Variants in COBL observed in about 807,000 individuals in gnomAD.
The protein encoded by COBL is protein cordon-bleu.
COBL carries 51 observed loss-of-function variants against 98.8 expected under a neutral mutation model. The ratio of observed to expected loss-of-function variants is 0.52; its 90% CI spans 0.41 to 0.65. COBL has a LOEUF of 0.65. COBL is among the 30% of genes least tolerant of loss of function. COBL has a pLI of 0.00. For missense variants in COBL, 1,617 were observed against 1,617.5 expected, an observed-to-expected ratio of 1.00 and a Z score of 0.01; for synonymous variants, 634 against 651.7, an observed-to-expected ratio of 0.97 and a Z score of 0.41.
At position 51,137,778 on chromosome 7, in the gene COBL, G is replaced by A. The variant is rs183655945; in HGVS notation, c.784-1447C>T. 2.1e-3 allele frequency among the ~76,000 whole-genome samples: 315 copies of A among 152,158 alleles called. 1 individual carries two copies. Among genetic ancestry groups the A allele is most frequent in the South Asian group, 3.5e-3 (17 of 4,794 alleles). ...TCCAAACAGTTCCTGGTAGGTGGAG[G>A]GCCCTTCAGTCAACCTTCCTGAGAC... is the stretch of plus-strand genomic sequence containing the variant. On this transcript the variant is annotated intron_variant, in intron 5 of 12. Transcript: ENST00000265136.
intron 12 of COBL, among the ~76,000 whole-genome samples, chr7:51,024,266 G>A (rs980817233): frequency 1.3e-5 from 2 of 151,956 alleles, no homozygotes; most frequent in Non-Finnish European, 2.9e-5. Flanking sequence ...CCGAGATCGC[G>A]TCACTGCACT....
At chr7:51,087,581 TCTC>T (rs1187978107) in intron 6 of COBL, among the ~76,000 whole-genome samples, 5 of 151,896 alleles carry the variant, frequency 3.3e-5, no homozygotes, top group Non-Finnish European at 7.4e-5. Context: ...TTCCAGTGAT[TCTC>T]CTGCCTCAGC....
intron 1 of COBL, among the ~76,000 whole-genome samples, chr7:51,233,337 ACGC>A (rs1794941145): frequency 6.6e-6 from 1 of 152,144 alleles, no homozygotes; most frequent in South Asian, 2.1e-4. Context: ...CAGAACAGAA[ACGC>A]CAGACCTAGA....
At chr7:51,238,241 A>G (rs890241053) in intron 1 of COBL, among the ~76,000 whole-genome samples, 1 of 152,202 alleles carries the variant, frequency 6.6e-6, no homozygotes, top group Non-Finnish European at 1.5e-5. Context: ...CGGAAGCCAC[A>G]TGACTTCCAC....
intron 6 of COBL, among the ~76,000 whole-genome samples, chr7:51,090,848 G>T (rs1402226686): frequency 2.0e-5 from 3 of 152,242 alleles, no homozygotes; most frequent in Non-Finnish European, 2.9e-5. Context: ...TAGAAAATAA[G>T]AGAGCTCAGA....
At chr7:51,160,379 G>A (rs1006479599) in intron 5 of COBL, among the ~76,000 whole-genome samples, 2 of 152,142 alleles carry the variant, frequency 1.3e-5, no homozygotes, top group African/African-American at 4.8e-5. Flanking sequence ...GTCATCAAGG[G>A]AAACAATGCA....
intron 9 of COBL, among the ~76,000 whole-genome samples, 167 bp downstream of exon 9, chr7:51,030,645 G>A (rs1011113953): frequency 2.6e-5 from 4 of 152,270 alleles, no homozygotes; most frequent in East Asian, 1.9e-4. Context: ...GCAGTCTACC[G>A]GAAACCTGTG....
At chr7:51,183,215 C>T (rs953539733) in intron 5 of COBL, among the ~76,000 whole-genome samples, 1 of 152,340 alleles carries the variant, frequency 6.6e-6, no homozygotes, top group Middle Eastern at 3.4e-3. Context: ...TGCACACAAA[C>T]TTGAGTCCCC....
At position 51,028,792 on chromosome 7, in the gene COBL, TCTGA is replaced by T; in HGVS notation, c.2300_2303del (p.Val767GlufsTer62). On this transcript the variant is annotated frameshift_variant, in exon 10 of 13. Coordinates refer to ENST00000265136, the MANE Select transcript of COBL (RefSeq NM_015198.5). LOFTEE classifies it high-confidence loss of function. ...CCACAGAGTTGCACCTCCAGAACTCTCTGACTTTCCCAATGGGCTGAGATTCTGC... is the reference window on the plus strand; with the variant it reads ...CCACAGAGTTGCACCTCCAGAACTCTCTTTCCCAATGGGCTGAGATTCTGC... The T allele has an allele frequency of 6.2e-7, 1 of 1,614,206 alleles. No homozygotes were observed.
At chr7:51,237,527 T>A (rs1563074587) in intron 1 of COBL, among the ~76,000 whole-genome samples, 1 of 117,566 alleles carries the variant, frequency 8.5e-6, no homozygotes. Flanking sequence ...CCCTTAACCC[T>A]TTTTTTTTCT....
intron 7 of COBL, among the ~76,000 whole-genome samples, chr7:51,075,910 T>C (rs1333969536): frequency 3.9e-5 from 6 of 152,236 alleles, no homozygotes; most frequent in Non-Finnish European, 2.9e-5. Context: ...CAGTTCCGTT[T>C]TTTTCTAATG....
intron 8 of COBL, chr7:51,034,793 C>G (rs927372726): frequency 3.9e-5 from 6 of 152,234 alleles, no homozygotes; most frequent in Non-Finnish European, 8.8e-5. Context: ...CTTCCTTCCC[C>G]CCCACCAACA....
intron 1 of COBL, among the ~76,000 whole-genome samples, chr7:51,231,274 C>T (rs545545285): frequency 6.6e-6 from 1 of 152,236 alleles, no homozygotes; most frequent in Admixed American, 6.5e-5. Context: ...CAGAGGAAAC[C>T]CCAGTGTGCT....
chr7:51,098,384 T>G (rs1019615934), intron 6 of COBL, among the ~76,000 whole-genome samples: 2 of 151,994 alleles, frequency 1.3e-5, no homozygotes, highest in African/African-American at 4.8e-5. Context: ...AAAGCTACTA[T>G]AATGAAAACA....
At chr7:51,314,459 A>G (rs1414474584) in intron 1 of COBL, among the ~76,000 whole-genome samples, 1 of 152,246 alleles carries the variant, frequency 6.6e-6, no homozygotes, top group East Asian at 1.9e-4. Flanking sequence ...TGCCACCAAT[A>G]ATGTACTAAA....
chr7:51,160,355 T>C (rs1034035037), intron 5 of COBL, among the ~76,000 whole-genome samples: 1 of 152,212 alleles, frequency 6.6e-6, no homozygotes, highest in Non-Finnish European at 1.5e-5. Context: ...TTGTTATTTG[T>C]TGTTGATGAC....
intron 5 of COBL, among the ~76,000 whole-genome samples, chr7:51,176,799 A>C (rs1237373133): frequency 6.6e-6 from 1 of 152,102 alleles, no homozygotes; most frequent in Non-Finnish European, 1.5e-5. Flanking sequence ...TGAAATCTTT[A>C]TTTTTGTCTA....
intron 1 of COBL, among the ~76,000 whole-genome samples, chr7:51,257,041 A>G (rs1473484069): frequency 6.6e-6 from 1 of 152,144 alleles, no homozygotes; most frequent in East Asian, 1.9e-4. Context: ...TGTCACATAT[A>G]TTGTTGCATA....
rs922954106 is a variant in COBL at position 51,064,920 on chromosome 7, G to A, written c.1096+20246C>T. The A allele has an allele frequency of 3.4e-5, 19 of 557,950 alleles. No individual in the cohort carries two copies. The Middle Eastern group carries it at 1.4e-3, about 41-fold the overall frequency. 34.6% of individuals were successfully genotyped at this position (557,950 alleles called of 1,614,324 possible). A position where few individuals can be genotyped will look rare whatever the true frequency, so the allele number is the denominator to read the frequency against. ...CCCTGCTGCCTGGAAAGGATGCAGT[G>A]CGGTCTGTGGTGACGGGTTCATATT... On this transcript the variant is annotated intron_variant, in intron 7 of 12. Coordinates refer to ENST00000265136, the MANE Select transcript of COBL (RefSeq NM_015198.5).
Sources: gnomAD v4.1 joint callset for allele counts (sites outside exome capture counted in the v4.1 genomes callset) on GRCh38, gnomAD v4.1.1 for gene constraint, MANE v1.5 for transcripts, NCBI Gene and HGNC (gene_info 2026-07-23, HGNC 2026-07-21) for gene names.